STAU1: variants seen among roughly 807,000 people sequenced by gnomAD.
STAU1 encodes the protein double-stranded RNA-binding protein Staufen homolog 1.
A neutral mutation model predicts 62.9 loss-of-function variants in STAU1; 13 were observed. That is an observed-to-expected ratio of 0.21 (90% CI 0.13 to 0.33). The LOEUF is 0.33. Ranked by LOEUF, STAU1 falls within the 10% of genes least tolerant of loss-of-function variation. The pLI is 1.00. For missense variants in STAU1, 571 were observed against 712.1 expected, an observed-to-expected ratio of 0.80 and a Z score of 2.25; for synonymous variants, 269 against 265.1, an observed-to-expected ratio of 1.01 and a Z score of -0.14.
chr20:49,121,797 C>T (rs548604266), intron 8 of STAU1, among the ~76,000 whole-genome samples: 13 of 152,286 alleles, frequency 8.5e-5, no homozygotes, highest in Admixed American at 1.3e-4. Context: ...CCACCCTCCC[C>T]GAAGAAGAGC....
the STAU1 span, among the ~76,000 whole-genome samples, chr20:49,202,906 G>C: frequency 6.6e-6 from 1 of 151,306 alleles, no homozygotes; most frequent in Admixed American, 6.6e-5. Context: ...CCAGCAAGGT[G>C]GTACGCCTGC....
At chr20:49,159,945 A>T (rs903696173) in intron 3 of STAU1, among the ~76,000 whole-genome samples, 1 of 152,248 alleles carries the variant, frequency 6.6e-6, no homozygotes, top group Non-Finnish European at 1.5e-5. Flanking sequence ...GTTTTGTGTG[A>T]GTGGTAAATA....
chr20:49,180,470 C>T (rs1352618074), intron 1 of STAU1, among the ~76,000 whole-genome samples: 3 of 152,096 alleles, frequency 2.0e-5, no homozygotes, highest in Non-Finnish European at 4.4e-5. Flanking sequence ...ATTACAGGCA[C>T]GTACCACCAC....
At chr20:49,170,088 A>C (rs1275934285) in intron 2 of STAU1, among the ~76,000 whole-genome samples, 1 of 152,148 alleles carries the variant, frequency 6.6e-6, no homozygotes, top group Non-Finnish European at 1.5e-5. Context: ...GTTTTTTTTA[A>C]ATTATACATG....
At chr20:49,146,444 G>A (rs189071612) in intron 5 of STAU1, among the ~76,000 whole-genome samples, 1 of 152,282 alleles carries the variant, frequency 6.6e-6, no homozygotes, top group Admixed American at 6.5e-5. Context: ...GCTCATGCCT[G>A]TAATCCCAGG....
the STAU1 span, among the ~76,000 whole-genome samples, chr20:49,194,225 T>C: frequency 6.6e-6 from 1 of 151,772 alleles, no homozygotes; most frequent in East Asian, 1.9e-4. Flanking sequence ...GATTGGGACT[T>C]GAGAGACCAG....
chr20:49,165,318 C>T (rs1297888783), intron 3 of STAU1, among the ~76,000 whole-genome samples: 1 of 151,782 alleles, frequency 6.6e-6, no homozygotes, highest in African/African-American at 2.4e-5. Flanking sequence ...GCTGGGATTA[C>T]AGGCGTGAGC....
chr20:49,172,729 A>T (rs1414894298), intron 2 of STAU1, among the ~76,000 whole-genome samples: 2 of 152,282 alleles, frequency 1.3e-5, no homozygotes, highest in Non-Finnish European at 2.9e-5. Context: ...AACTTCTGAG[A>T]TGTAGCTTTC....
chr20:49,119,870 T>TTC (rs1430806847), intron 9 of STAU1, 112 bp downstream of exon 9: 23 of 1,333,896 alleles, frequency 1.7e-5, no homozygotes, highest in Non-Finnish European at 2.2e-5. Flanking sequence ...GCAGGACTCC[T>TTC]TGAACTGTCA....
intron 2 of STAU1, among the ~76,000 whole-genome samples, chr20:49,172,653 C>A (rs2093611958): frequency 6.6e-6 from 1 of 152,146 alleles, no homozygotes; most frequent in African/African-American, 2.4e-5. Context: ...AGACCAGTGC[C>A]AAGACTCAGT....
the STAU1 span, among the ~76,000 whole-genome samples, chr20:49,214,876 C>T: frequency 6.6e-6 from 1 of 152,308 alleles, no homozygotes; most frequent in East Asian, 1.9e-4. Context: ...TTGTGGGGGA[C>T]ACAAACATTT....
the STAU1 span, among the ~76,000 whole-genome samples, chr20:49,214,529 A>C: frequency 2.7e-5 from 4 of 149,400 alleles, no homozygotes; most frequent in Admixed American, 6.7e-5. Context: ...AAAAAAAAAA[A>C]AAAACAATAA....
chr20:49,141,637 G>C (rs2093010066), intron 5 of STAU1, among the ~76,000 whole-genome samples: 2 of 152,220 alleles, frequency 1.3e-5, no homozygotes, highest in South Asian at 4.1e-4. Context: ...GCTCATGCCT[G>C]TAATCCCAGC....
intron 6 of STAU1, among the ~76,000 whole-genome samples, chr20:49,132,743 G>C (rs777882978): frequency 1.3e-5 from 2 of 148,884 alleles, no homozygotes; most frequent in African/African-American, 2.5e-5. Flanking sequence ...TGCGCAACAA[G>C]AGCAAAACTC....
At chr20:49,137,221 A>G (rs1352011431) in intron 5 of STAU1, among the ~76,000 whole-genome samples, 1 of 152,202 alleles carries the variant, frequency 6.6e-6, no homozygotes, top group African/African-American at 2.4e-5. Context: ...AACACATTAC[A>G]AAACTGCCAT....
At chr20:49,196,086 T>C in the STAU1 span, among the ~76,000 whole-genome samples, 3 of 141,158 alleles carry the variant, frequency 2.1e-5, no homozygotes, top group African/African-American at 8.0e-5. Context: ...ATCACACCAC[T>C]GCACTCCAGC....
At chr20:49,141,453 C>A (rs765618340) in intron 5 of STAU1, among the ~76,000 whole-genome samples, 3 of 152,168 alleles carry the variant, frequency 2.0e-5, no homozygotes, top group Non-Finnish European at 4.4e-5. Flanking sequence ...TACCCAGGTG[C>A]AGTGGAGTGT....
In STAU1 at chr20:49,165,990, T is replaced by C. The variant is rs1284956327; in HGVS notation, c.205+7A>G. On this transcript the variant is annotated splice_region_variant and intron_variant, in intron 3 of 13. Coordinates refer to ENST00000371856, the MANE Select transcript of STAU1 (RefSeq NM_017453.4). ...GAAATAGAAGACACTTGGATTCATA[T>C]GCTTACCTGCAGCTGCACTGGTGGA... is the stretch of plus-strand genomic sequence containing the variant. The C allele has an allele frequency of 3.7e-6, 6 of 1,613,786 alleles. No individual in the cohort carries two copies. The highest frequency in any genetic ancestry group is 2.7e-5 in the African/African-American group (2 of 74,938).
At chr20:49,192,552 G>T (rs987986782), upstream of STAU1, among the ~76,000 whole-genome samples, 1 of 152,070 alleles carries the variant, frequency 6.6e-6, no homozygotes, top group Admixed American at 6.6e-5. Flanking sequence ...GGCTAGGAAG[G>T]TTCCATCCAG....
Sources: gnomAD v4.1 joint callset for allele counts (sites outside exome capture counted in the v4.1 genomes callset) on GRCh38, gnomAD v4.1.1 for gene constraint, MANE v1.5 for transcripts, NCBI Gene and HGNC (gene_info 2026-07-23, HGNC 2026-07-21) for gene names.